The following HEATR4 variants were observed in gnomAD, a reference collection of about 807,000 sequenced individuals.
The protein encoded by HEATR4 is HEAT repeat-containing protein 4.
A neutral mutation model predicts 108.8 loss-of-function variants in HEATR4; 95 were observed. That is an observed-to-expected ratio of 0.87 (90% CI 0.74 to 1.04). The LOEUF is 1.04. Among genes scored for constraint, HEATR4 ranks in the 50% least tolerant of loss-of-function variants. HEATR4 has a pLI of 0.00. For synonymous variants in HEATR4, 443 were observed against 459.4 expected, an observed-to-expected ratio of 0.96 and a Z score of 0.46; for missense variants, 1,152 against 1,253.8, an observed-to-expected ratio of 0.92 and a Z score of 1.23.
chr14:73,602,930 G>A, the HEATR4 span, among the ~76,000 whole-genome samples: 1 of 152,118 alleles, frequency 6.6e-6, no homozygotes, highest in Admixed American at 6.6e-5. Context: ...TGGGAAGCCT[G>A]TTAAATATGT....
chr14:73,587,073 ATT>A, the HEATR4 span, among the ~76,000 whole-genome samples: 2 of 151,928 alleles, frequency 1.3e-5, no homozygotes, highest in African/African-American at 4.8e-5. Flanking sequence ...ACCACAAAAT[ATT>A]GAGTTTACTC....
the HEATR4 span, among the ~76,000 whole-genome samples, chr14:73,588,879 T>A: frequency 6.6e-6 from 1 of 152,150 alleles, no homozygotes; most frequent in Non-Finnish European, 1.5e-5. Context: ...TGATGCTCTA[T>A]CAACTGAGCT....
At position 73,492,201 on chromosome 14, in the gene HEATR4, A is replaced by AT. The variant is rs929268742; in HGVS notation, c.2844+864dup. ...CTGCAGACCGTGCTGGAACCTGGAGATTTGCTGTATTTTCCTCGGGGCTTC... is the reference window on the plus strand; with the variant it reads ...CTGCAGACCGTGCTGGAACCTGGAGATTTTGCTGTATTTTCCTCGGGGCTTC... On this transcript the variant is annotated intron_variant, in intron 17 of 17. Coordinates refer to ENST00000553558, the MANE Select transcript of HEATR4 (RefSeq NM_001220484.1). This position sits in a 1 kb window ranked among gnomAD's most constrained non-coding sequence, Gnocchi z 4.9. The AT allele has an allele frequency of 7.4e-6, 12 of 1,613,536 alleles. No homozygotes were observed. Among genetic ancestry groups the AT allele is most frequent in the Non-Finnish European group, 1.0e-5 (12 of 1,179,836 alleles).
At chr14:73,573,561 G>T in the HEATR4 span, 1 of 1,613,692 alleles carries the variant, frequency 6.2e-7, no homozygotes, top group East Asian at 2.2e-5. Flanking sequence ...CTTTGAAGAA[G>T]CCATGAACTA....
intron 8 of HEATR4, 54 bp from the exon 9 acceptor site, chr14:73,508,348 A>T (rs1348238422): frequency 2.6e-6 from 4 of 1,562,234 alleles, no homozygotes; most frequent in Non-Finnish European, 2.6e-6. Flanking sequence ...TTCCCCCTAG[A>T]GAACAGCCTT....
At chr14:73,497,196 A>G (rs1364513455) in intron 14 of HEATR4, among the ~76,000 whole-genome samples, 2 of 151,424 alleles carry the variant, frequency 1.3e-5, no homozygotes, top group Non-Finnish European at 2.9e-5. Flanking sequence ...GCACCCGGCC[A>G]TGCCCGTCTA....
intron 17 of HEATR4, among the ~76,000 whole-genome samples, chr14:73,484,835 C>CAG (rs1451345575): frequency 0.044 from 6,211 of 139,644 alleles, 168 homozygotes; most frequent in Non-Finnish European, 0.066. Context: ...CACACACAGA[C>CAG]ACACACACAC....
intron 9 of HEATR4, 56 bp downstream of exon 9, chr14:73,508,078 C>A: frequency 1.3e-6 from 2 of 1,518,580 alleles, no homozygotes; most frequent in South Asian, 1.1e-5. Flanking sequence ...CATTCACTGA[C>A]CTCAAAGACC....
the HEATR4 span, among the ~76,000 whole-genome samples, chr14:73,598,454 T>A: frequency 6.6e-6 from 1 of 151,826 alleles, no homozygotes; most frequent in Admixed American, 6.6e-5. Flanking sequence ...TGGATGAACT[T>A]GTGACTGTTT....
the HEATR4 span, among the ~76,000 whole-genome samples, chr14:73,606,593 C>T: frequency 0.021 from 3,161 of 152,226 alleles, 115 homozygotes; most frequent in African/African-American, 0.072. Flanking sequence ...AAGGTGAACC[C>T]ATTGGGTGGT....
At chr14:73,601,083 G>A in the HEATR4 span, among the ~76,000 whole-genome samples, 1 of 152,100 alleles carries the variant, frequency 6.6e-6, no homozygotes, top group Non-Finnish European at 1.5e-5. Context: ...GGAAATTGCA[G>A]TAAGCCGAGA....
At position 73,492,896 on chromosome 14, in the gene HEATR4, TATG is replaced by T; in HGVS notation, c.2844+167_2844+169del. On this transcript the variant is annotated intron_variant, in intron 17 of 17. Transcript: ENST00000553558. The surrounding 1 kb of genome is among the most constrained non-coding windows in gnomAD (Gnocchi z 4.9). The stretch of plus-strand genomic sequence containing the variant: ...CCAGCTGTCCTTGGCAACCACGTTG[TATG>T]ATAAGGGGCTGCTGCTCACTAAGAT... 6.2e-7 allele frequency: 1 copy of T among 1,613,858 alleles called. No individual in the cohort carries two copies. The highest frequency in any genetic ancestry group is 8.5e-7 in the Non-Finnish European group (1 of 1,179,864).
the HEATR4 span, among the ~76,000 whole-genome samples, chr14:73,587,357 C>CT: frequency 8.2e-3 from 1,213 of 147,446 alleles, 8 homozygotes; most frequent in Middle Eastern, 0.024. Context: ...GCAACATCCA[C>CT]TTTTTTTTTT....
At chr14:73,629,700 A>C in the HEATR4 span, among the ~76,000 whole-genome samples, 2 of 150,940 alleles carry the variant, frequency 1.3e-5, no homozygotes, top group Non-Finnish European at 2.9e-5. Flanking sequence ...GCTGGAGTGC[A>C]GTGGTGCAAT....
chr14:73,607,951 G>A, the HEATR4 span, among the ~76,000 whole-genome samples: 1 of 149,466 alleles, frequency 6.7e-6, no homozygotes, highest in Admixed American at 6.7e-5. Flanking sequence ...TTGAGATAGA[G>A]TCTTGCTCTG....
the HEATR4 span, chr14:73,612,543 T>G: frequency 9.4e-6 from 12 of 1,271,584 alleles, no homozygotes; most frequent in Non-Finnish European, 1.2e-5. Flanking sequence ...TCCGCGGAGC[T>G]GGGTCGCCCC....
intron 17 of HEATR4, among the ~76,000 whole-genome samples, chr14:73,483,558 A>G (rs1158566850): frequency 6.6e-6 from 1 of 152,204 alleles, no homozygotes; most frequent in Admixed American, 6.5e-5. Context: ...AGATGTGATG[A>G]TGAAAAATAA....
At chr14:73,592,583 T>C in the HEATR4 span, among the ~76,000 whole-genome samples, 1 of 152,342 alleles carries the variant, frequency 6.6e-6, no homozygotes, top group East Asian at 1.9e-4. Context: ...CCGGGCGTGG[T>C]GACTAACGCC....
chr14:73,532,720 C>A (rs1375315139), intron 1 of HEATR4, among the ~76,000 whole-genome samples: 1 of 114,646 alleles, frequency 8.7e-6, no homozygotes, highest in African/African-American at 2.8e-5. Flanking sequence ...TTTGGGAGGC[C>A]AAGGTGGGCA....
Sources: allele counts gnomAD v4.1 joint callset (sites outside exome capture counted in the v4.1 genomes callset), GRCh38; gene constraint gnomAD v4.1.1; non-coding constraint Gnocchi (gnomAD v3.1); transcripts MANE v1.5; gene names NCBI Gene and HGNC (gene_info 2026-07-23, HGNC 2026-07-21).